CYP4F3: variants seen among roughly 807,000 people sequenced by gnomAD.
CYP4F3 encodes the protein cytochrome P450 4F3.
Under a neutral mutation model 54.8 loss-of-function variants are expected in CYP4F3, and 50 were observed. That is an observed-to-expected ratio of 0.91 (90% CI 0.73 to 1.16). CYP4F3 has a LOEUF of 1.16. Among genes scored for constraint, CYP4F3 ranks in the 50% most tolerant of loss-of-function variants. The pLI, the probability that CYP4F3 is intolerant of heterozygous loss-of-function variation, is 0.00. For missense variants in CYP4F3, 715 were observed against 676.2 expected (o/e 1.06, Z -0.64); for synonymous variants, 244 against 262.6 (o/e 0.93, Z 0.69).
chr19:15,658,736 C>T lies in CYP4F3; in HGVS notation c.1324C>T (p.Pro442Ser). ...TTGGTCTCGCCTCCAGGTCTATGAC[C>T]CCTTTCGCTTTGACCCAAAGAACAT... ...AVWPDPEVYD[P>S]FRFDPKNIKE... Residue 442 changes from proline (P) to serine (S), a missense_variant, in exon 12 of 13, where the codon CCC (proline) becomes TCC (serine). Physicochemically the swap from Pro to Ser is moderately conservative, Grantham distance 74. Transcript: ENST00000221307. 6.2e-7 allele frequency: 1 copy of T among 1,614,106 alleles called. No individual in the cohort carries two copies. The highest frequency in any genetic ancestry group is 8.5e-7 in the Non-Finnish European group (1 of 1,180,018).
At chr19:15,655,450 C>T (rs543818281) in intron 9 of CYP4F3, among the ~76,000 whole-genome samples, 2 of 152,002 alleles carry the variant, frequency 1.3e-5, no homozygotes, top group African/African-American at 4.8e-5. Context: ...ACCCATGTCC[C>T]GGAGTATAAA....
chr19:15,658,871 AGTG>A, intron 12 of CYP4F3, 62 bp downstream of exon 12: 3 of 1,574,078 alleles, frequency 1.9e-6, no homozygotes, highest in Non-Finnish European at 2.6e-6. Context: ...TGGGCATGAC[AGTG>A]GGGAAAAGGG....
chr19:15,655,095 G>A (rs1208721101), intron 9 of CYP4F3, among the ~76,000 whole-genome samples: 2 of 152,130 alleles, frequency 1.3e-5, no homozygotes, highest in Admixed American at 6.5e-5. Context: ...TCTCATTGTG[G>A]TTTTGATTTG....
In CYP4F3 at chr19:15,649,895, T is replaced by G; in HGVS notation, c.648-18T>G. ...GGTGTATTAAATTGTTGCCTCCCTT[T>G]CTGCCCTTATCCTGCAGGAAGCCCA... On this transcript the variant is annotated intron_variant, in intron 6 of 12. Transcript: ENST00000221307. The G allele has an allele frequency of 1.2e-6, 2 of 1,611,800 alleles. No homozygotes were observed. The highest frequency in any genetic ancestry group is 1.7e-6 in the Non-Finnish European group (2 of 1,178,146).
Position 15,650,867 on chromosome 19 carries a change from T to TC in CYP4F3, c.918+684_918+685insC, listed in dbSNP as rs1491573893. Among the ~76,000 whole-genome samples, 6 of 79,736 alleles carry TC rather than the reference T, an allele frequency of 7.5e-5. 2 individuals are homozygous for TC. The highest frequency in any genetic ancestry group is 3.1e-4 in the Admixed American group (2 of 6,448). The allele number at this position is 79,736 out of a possible 152,430, so 52.3% of individuals were successfully genotyped here. ...CTTTCTTTCTTTCTTTCTTTCTTTC[T>TC]TTTTCTCTCTCTCTCTTTCCTTTTT... On this transcript the variant is annotated intron_variant, in intron 7 of 12. Transcript: ENST00000221307.
chr19:15,643,691 A>G (rs1271357030), intron 2 of CYP4F3, among the ~76,000 whole-genome samples: 1 of 152,106 alleles, frequency 6.6e-6, no homozygotes, highest in African/African-American at 2.4e-5. Flanking sequence ...TTTCCTCTGC[A>G]TTTTTGTGCT....
chr19:15,646,911 C>T, intron 3 of CYP4F3, 141 bp from the exon 4 acceptor site: 1 of 1,249,004 alleles, frequency 8.0e-7, no homozygotes, highest in Non-Finnish European at 1.1e-6. Context: ...ATCCTGCCTT[C>T]TTCCTCTCCC....
At chr19:15,658,467 T>G in intron 10 of CYP4F3, 24 bp from the exon 11 acceptor site, 2 of 1,614,022 alleles carry the variant, frequency 1.2e-6, no homozygotes, top group East Asian at 2.2e-5. Flanking sequence ...AGCATTGTCC[T>G]GACTGCCCCC....
At chr19:15,657,112 C>A (rs569669256) in intron 9 of CYP4F3, among the ~76,000 whole-genome samples, 1 of 152,222 alleles carries the variant, frequency 6.6e-6, no homozygotes, top group South Asian at 2.1e-4. Flanking sequence ...GTATAGTATT[C>A]CATTGTGTGG....
intron 11 of CYP4F3, 77 bp downstream of exon 11, chr19:15,658,632 C>G: frequency 6.2e-7 from 1 of 1,608,526 alleles, no homozygotes; most frequent in Non-Finnish European, 8.5e-7. Flanking sequence ...CAGGAGAATC[C>G]AACATCACCT....
intron 5 of CYP4F3, 98 bp from the exon 6 acceptor site, chr19:15,649,062 A>C: frequency 6.5e-7 from 1 of 1,539,912 alleles, no homozygotes; most frequent in Non-Finnish European, 8.8e-7. Context: ...GAGAAGATGA[A>C]GAGGCTTATT....
rs372451984 is a variant in CYP4F3, at chr19:15,641,440, C to A, written c.25C>A (p.Leu9Met). Reference protein sequence around the residue: MPQLSLSSLGLWPMAASPW... With the variant: MPQLSLSSMGLWPMAASPW... ...GATGCCACAGCTGAGCCTGTCCTCG[C>A]TGGGCCTTTGGCCAATGGCAGCATC... The change falls in exon 2 of 13, where the codon CTG (leucine) becomes ATG (methionine). Residue 9 changes from leucine (L) to methionine (M), a missense_variant. Coordinates refer to ENST00000221307, the MANE Select transcript of CYP4F3 (RefSeq NM_000896.3). 1 of 1,614,216 alleles carries A rather than the reference C, an allele frequency of 6.2e-7. No homozygotes were observed. Among genetic ancestry groups the A allele is most frequent in the Non-Finnish European group, 8.5e-7 (1 of 1,180,040 alleles).
At chr19:15,651,049 C>T (rs897152004) in intron 7 of CYP4F3, among the ~76,000 whole-genome samples, 8 of 151,168 alleles carry the variant, frequency 5.3e-5, no homozygotes, top group African/African-American at 1.9e-4. Flanking sequence ...CTAACTTTTG[C>T]ATTTTTAGTA....
Position 15,647,327 on chromosome 19 carries a change from G to A in CYP4F3, c.525+3G>A, listed in dbSNP as rs202159406. Reference sequence around the variant, plus strand: ...ATGAGAGTGTGAACATCATGCATGTGAGTTATTTGAAGCCAAGGTCCCAGC... The same window carrying A: ...ATGAGAGTGTGAACATCATGCATGTAAGTTATTTGAAGCCAAGGTCCCAGC... On this transcript the variant is annotated splice_donor_region_variant and intron_variant, in intron 5 of 12. Coordinates refer to ENST00000221307, the MANE Select transcript of CYP4F3 (RefSeq NM_000896.3). 4.4e-4 allele frequency: 705 copies of A among 1,614,168 alleles called. 2 individuals carry two copies. Among genetic ancestry groups the A allele is most frequent in the Non-Finnish European group, 1.7e-4 (204 of 1,179,998 alleles).
At position 15,643,455 on chromosome 19, in the gene CYP4F3, T is replaced by C. The variant is rs868504645; in HGVS notation, c.198+1842T>C. Among the ~76,000 whole-genome samples, 98 of 143,766 alleles carry C rather than the reference T, an allele frequency of 6.8e-4. 2 individuals are homozygous for C. The highest frequency in any genetic ancestry group is 3.5e-3 in the Middle Eastern group (1 of 284). The allele number at this position is 143,766 out of a possible 152,430, so 94.3% of individuals were successfully genotyped here. A position where few individuals can be genotyped will look rare whatever the true frequency, so the allele number is the denominator to read the frequency against. ...ATAGATAGATAGATAGATAGATAGA[T>C]AGACAGACAGGCAGACAGACAGATA... is the stretch of plus-strand genomic sequence containing the variant. On this transcript the variant is annotated intron_variant, in intron 2 of 12. Coordinates refer to ENST00000221307, the MANE Select transcript of CYP4F3 (RefSeq NM_000896.3).
intron 2 of CYP4F3, among the ~76,000 whole-genome samples, chr19:15,643,012 G>A (rs1247978612): frequency 4.6e-5 from 7 of 151,926 alleles, no homozygotes; most frequent in Admixed American, 3.3e-4. Context: ...TTAGATGGAT[G>A]GATAGATAGC....
intron 8 of CYP4F3, 70 bp downstream of exon 8, chr19:15,652,705 C>A: frequency 1.2e-6 from 2 of 1,611,526 alleles, no homozygotes; most frequent in Non-Finnish European, 1.7e-6. Context: ...GTGGGTGGAC[C>A]CCTCGCACTT....
intron 9 of CYP4F3, among the ~76,000 whole-genome samples, chr19:15,654,499 G>A (rs571746286): frequency 4.6e-5 from 7 of 152,160 alleles, no homozygotes; most frequent in African/African-American, 9.6e-5. Context: ...ACTCAAATTC[G>A]TACCCATTAA....
chr19:15,649,538 T>A (rs980447211), intron 6 of CYP4F3, among the ~76,000 whole-genome samples: 6 of 152,046 alleles, frequency 3.9e-5, no homozygotes, highest in Non-Finnish European at 8.8e-5. Context: ...TTAACACTGA[T>A]GCAAAGAAGC....
Sources: allele counts gnomAD v4.1 joint callset (sites outside exome capture counted in the v4.1 genomes callset), GRCh38; gene constraint gnomAD v4.1.1; transcripts MANE v1.5; gene names NCBI Gene and HGNC (gene_info 2026-07-23, HGNC 2026-07-21).